SEMA5A: variants seen among roughly 807,000 people sequenced by gnomAD.
SEMA5A encodes semaphorin 5A, also known as semaphorin-5A.
SEMA5A carries 55 observed loss-of-function variants against 135.5 expected under a neutral mutation model. The ratio of observed to expected loss-of-function variants is 0.41; its 90% CI spans 0.33 to 0.51. The LOEUF is 0.51. Ranked by LOEUF, SEMA5A falls within the 20% of genes least tolerant of loss-of-function variation. SEMA5A has a pLI of 0.37. For synonymous variants in SEMA5A, 580 were observed against 546.5 expected (o/e 1.06, Z -0.85); for missense variants, 1,290 against 1,419.9 (o/e 0.91, Z 1.47).
intron 4 of SEMA5A, among the ~76,000 whole-genome samples, chr5:9,335,177 A>G (rs889469326): frequency 6.6e-6 from 1 of 152,072 alleles, no homozygotes; most frequent in East Asian, 1.9e-4. Flanking sequence ...AGAGATAGAG[A>G]CTTCCAGGAA....
At chr5:9,286,744 G>A (rs1362263576) in intron 5 of SEMA5A, among the ~76,000 whole-genome samples, 1 of 151,508 alleles carries the variant, frequency 6.6e-6, no homozygotes, top group African/African-American at 2.4e-5. Context: ...ACACACACAC[G>A]TGAATTTTTA....
chr5:9,295,053 G>A (rs1456430720), intron 5 of SEMA5A, among the ~76,000 whole-genome samples: 1 of 152,164 alleles, frequency 6.6e-6, no homozygotes, highest in Non-Finnish European at 1.5e-5. Context: ...ACTCTCCAGT[G>A]CTTCTGGGAT....
chr5:9,163,912 T>C (rs537712602), intron 11 of SEMA5A, among the ~76,000 whole-genome samples: 3 of 150,594 alleles, frequency 2.0e-5, no homozygotes, highest in South Asian at 2.1e-4. Flanking sequence ...AGAAATAAAT[T>C]TCTGTTGTTT....
intron 5 of SEMA5A, among the ~76,000 whole-genome samples, chr5:9,249,082 T>C (rs1374391889): frequency 6.6e-6 from 1 of 152,222 alleles, no homozygotes; most frequent in Non-Finnish European, 1.5e-5. Flanking sequence ...ACCAAACATC[T>C]GGGCCAGGCC....
chr5:9,542,164 A>G (rs1307817166), intron 1 of SEMA5A, among the ~76,000 whole-genome samples: 1 of 152,212 alleles, frequency 6.6e-6, no homozygotes, highest in Non-Finnish European at 1.5e-5. Context: ...TACCAAGCGT[A>G]CCCATATCTG....
intron 2 of SEMA5A, among the ~76,000 whole-genome samples, chr5:9,382,825 C>A (rs1755675168): frequency 6.6e-6 from 1 of 152,194 alleles, no homozygotes; most frequent in Non-Finnish European, 1.5e-5. Flanking sequence ...TACAGAGTCA[C>A]CAGGACCAAG....
chr5:9,402,481 T>C (rs889283286), intron 2 of SEMA5A, among the ~76,000 whole-genome samples: 2 of 147,606 alleles, frequency 1.4e-5, no homozygotes, highest in African/African-American at 5.0e-5. Context: ...TCTTTTTTCT[T>C]CTTCTAAGAA....
At position 9,229,251 on chromosome 5, in the gene SEMA5A, C is replaced by T. The variant is rs534896263; in HGVS notation, c.334-2284G>A. ...GACTTCAGAAGAATTACCAAATGCT[C>T]GTAAACAGTAGACAGTGAATCTGGT... On this transcript the variant is annotated intron_variant, in intron 6 of 22. Coordinates refer to ENST00000382496, the MANE Select transcript of SEMA5A (RefSeq NM_003966.3). Among the ~76,000 whole-genome samples the T allele has an allele frequency of 1.1e-4, 16 of 152,282 alleles. 1 individual carries two copies. The highest frequency in any genetic ancestry group is 3.1e-4 in the African/African-American group (13 of 41,548).
At chr5:9,353,098 G>GAAAGGGAAAGAAAGGAAAGGA (rs1378151075) in intron 3 of SEMA5A, among the ~76,000 whole-genome samples, 1 of 21,788 alleles carries the variant, frequency 4.6e-5, no homozygotes, top group Non-Finnish European at 7.4e-5. Context: ...GGAAAGGAAG[G>GAAAGGGAAAGAAAGGAAAGGA]AAGGAAAGGA....
In SEMA5A at chr5:9,040,124, T is replaced by A. The variant is rs1735881148; in HGVS notation, c.*2773A>T. 1 of 152,188 alleles carries A rather than the reference T, an allele frequency of 6.6e-6. No individual in the cohort carries two copies. The allele number at this position is 152,188 out of a possible 1,614,324, so 9.4% of individuals were successfully genotyped here. On this transcript the variant is annotated 3_prime_UTR_variant, in exon 23 of 23. Transcript: ENST00000382496. ...GTGTAGCTTAAAACTATGTGTTGGT[T>A]TTTGTTCCACTTGTACCAAGAAAAT...
intron 1 of SEMA5A, among the ~76,000 whole-genome samples, chr5:9,508,987 G>A (rs1250649455): frequency 6.6e-6 from 1 of 152,112 alleles, no homozygotes; most frequent in Admixed American, 6.5e-5. Flanking sequence ...AGTGAAAATG[G>A]CAGGCATGAT....
intron 5 of SEMA5A, among the ~76,000 whole-genome samples, chr5:9,316,869 G>A (rs1277964947): frequency 6.6e-6 from 1 of 152,074 alleles, no homozygotes; most frequent in South Asian, 2.1e-4. Flanking sequence ...AGTAGTTATA[G>A]TCACCATGTC....
At chr5:9,320,229 G>A (rs1294330464) in intron 4 of SEMA5A, among the ~76,000 whole-genome samples, 1 of 152,140 alleles carries the variant, frequency 6.6e-6, no homozygotes, top group Non-Finnish European at 1.5e-5. Context: ...CCCAAGAGAA[G>A]CTCCCAGAAG....
chr5:9,187,442 A>G (rs951508486), intron 11 of SEMA5A, among the ~76,000 whole-genome samples: 10 of 152,144 alleles, frequency 6.6e-5, no homozygotes, highest in Admixed American at 4.6e-4. Flanking sequence ...CTGCTTTTGT[A>G]CCTGCCCTGG....
chr5:9,434,052 A>C (rs1757946702), intron 2 of SEMA5A, among the ~76,000 whole-genome samples: 1 of 152,218 alleles, frequency 6.6e-6, no homozygotes, highest in Non-Finnish European at 1.5e-5. Context: ...AGGTGTATGA[A>C]GTCTCCCATC....
At chr5:9,050,057 T>TTAGC (rs1221350892) in intron 21 of SEMA5A, among the ~76,000 whole-genome samples, 1 of 152,112 alleles carries the variant, frequency 6.6e-6, no homozygotes, top group East Asian at 1.9e-4. Flanking sequence ...TTCATAAAGC[T>TTAGC]TAGAACCCAT....
At chr5:9,410,463 G>A (rs1040086539) in intron 2 of SEMA5A, among the ~76,000 whole-genome samples, 1 of 152,096 alleles carries the variant, frequency 6.6e-6, no homozygotes, top group African/African-American at 2.4e-5. Context: ...TTCATTTCAC[G>A]TGTCTTTAAT....
At chr5:9,439,311 T>C (rs1342214273) in intron 1 of SEMA5A, among the ~76,000 whole-genome samples, 1 of 152,214 alleles carries the variant, frequency 6.6e-6, no homozygotes, top group Non-Finnish European at 1.5e-5. Flanking sequence ...ACAAAATATG[T>C]TAGTTGAAAC....
chr5:9,415,653 G>T (rs1757258652), intron 2 of SEMA5A, among the ~76,000 whole-genome samples: 1 of 152,088 alleles, frequency 6.6e-6, no homozygotes, highest in Non-Finnish European at 1.5e-5. Context: ...CAGATGGTTG[G>T]TCTAAGCAAA....
Sources: gnomAD v4.1 joint callset for allele counts (sites outside exome capture counted in the v4.1 genomes callset) on GRCh38, gnomAD v4.1.1 for gene constraint, MANE v1.5 for transcripts, NCBI Gene and HGNC (gene_info 2026-07-23, HGNC 2026-07-21) for gene names.